Variants in GEMIN2 observed in about 807,000 individuals in gnomAD.
GEMIN2 encodes the protein gem-associated protein 2.
GEMIN2 carries 37 observed loss-of-function variants against 45.8 expected under a neutral mutation model. The ratio of observed to expected loss-of-function variants is 0.81; its 90% CI spans 0.62 to 1.06. The LOEUF (loss-of-function observed/expected upper bound fraction) is 1.06, where lower values mean the gene tolerates loss of function less well. Among genes scored for constraint, GEMIN2 ranks in the 50% least tolerant of loss-of-function variants. The pLI, the probability that GEMIN2 is intolerant of heterozygous loss-of-function variation, is 0.00. For missense variants in GEMIN2, 335 were observed against 321.8 expected (o/e 1.04, Z -0.31); for synonymous variants, 101 against 111.5 (o/e 0.91, Z 0.60).
chr14:39,136,517 G>T lies in GEMIN2; in HGVS notation c.*38G>T, dbSNP rs778874791. 1 of 1,549,820 alleles carries T rather than the reference G, an allele frequency of 6.5e-7. No individual in the cohort carries two copies. Among genetic ancestry groups the T allele is most frequent in the Non-Finnish European group, 8.9e-7 (1 of 1,124,356 alleles). On this transcript the variant is annotated 3_prime_UTR_variant, in exon 10 of 10. Transcript: ENST00000308317. ...CTCAGGGATAGAAGATATTTCTCATGAAGGCAGCCTAACTCTGAGGAAAAC... is the reference window on the plus strand; with the variant it reads ...CTCAGGGATAGAAGATATTTCTCATTAAGGCAGCCTAACTCTGAGGAAAAC...
chr14:39,128,226 A>G (rs576928182), intron 6 of GEMIN2, 54 bp from the exon 7 acceptor site: 1 of 960,474 alleles, frequency 1.0e-6, no homozygotes, highest in South Asian at 1.4e-5. Flanking sequence ...CTCATGTTGA[A>G]TTCATGTTTT....
intron 7 of GEMIN2, 27 bp downstream of exon 7, chr14:39,128,375 A>G: frequency 7.7e-7 from 1 of 1,294,458 alleles, no homozygotes; most frequent in Admixed American, 1.8e-5. Flanking sequence ...TTCTTTTCAT[A>G]ATGTAGGCAA....
chr14:39,124,777 A>C lies in GEMIN2; in HGVS notation c.487-215A>C, dbSNP rs374093959. Among the ~76,000 whole-genome samples the C allele has an allele frequency of 3.5e-4, 54 of 152,294 alleles. No homozygotes were observed. In the South Asian group the frequency reaches 0.011, roughly 32 times the overall value. On this transcript the variant is annotated intron_variant, in intron 5 of 9. Transcript: ENST00000308317. Reference sequence around the variant, plus strand: ...GACAGAGTGAGACCCCATCTAAAAAAAAAATTACATATTCAAAATTTAAGG... The same window carrying C: ...GACAGAGTGAGACCCCATCTAAAAACAAAATTACATATTCAAAATTTAAGG...
intron 2 of GEMIN2, among the ~76,000 whole-genome samples, chr14:39,115,864 G>T (rs911318147): frequency 1.3e-5 from 2 of 151,982 alleles, no homozygotes; most frequent in African/African-American, 4.8e-5. Context: ...ATTCAACAGA[G>T]GGTAAGACAA....
intron 2 of GEMIN2, among the ~76,000 whole-genome samples, chr14:39,116,772 A>C (rs35035794): frequency 0.2 from 30,140 of 151,458 alleles, 3,794 homozygotes; most frequent in Middle Eastern, 0.36. Context: ...ATTGATTGAG[A>C]CAGGGTCTCG....
chr14:39,136,684 T>G lies in GEMIN2; in HGVS notation c.*205T>G. ...TATCAATGGAAAATCCCACTCAGTTTTTGATGAACAGTTTGAACAGTTTTC... is the reference window on the plus strand; with the variant it reads ...TATCAATGGAAAATCCCACTCAGTTGTTGATGAACAGTTTGAACAGTTTTC... On this transcript the variant is annotated 3_prime_UTR_variant, in exon 10 of 10. Coordinates refer to ENST00000308317, the MANE Select transcript of GEMIN2 (RefSeq NM_003616.3). The G allele has an allele frequency of 2.0e-6, 1 of 492,032 alleles. No homozygotes were observed. Among genetic ancestry groups the G allele is most frequent in the South Asian group, 3.5e-5 (1 of 28,866 alleles). The allele number at this position is 492,032 out of a possible 1,614,324, so 30.5% of individuals were successfully genotyped here. A position where few individuals can be genotyped will look rare whatever the true frequency, so the allele number is the denominator to read the frequency against.
At chr14:39,128,034 C>T (rs1165728677) in intron 6 of GEMIN2, among the ~76,000 whole-genome samples, 2 of 143,078 alleles carry the variant, frequency 1.4e-5, no homozygotes, top group Non-Finnish European at 3.0e-5. Context: ...CACCAGTGCG[C>T]TCCAGCCTGG....
chr14:39,136,352 C>A, intron 9 of GEMIN2, 88 bp from the exon 10 acceptor site: 2 of 725,360 alleles, frequency 2.8e-6, no homozygotes, highest in South Asian at 3.1e-5. Context: ...TATTGATGGA[C>A]GTTTGGGTTG....
Position 39,125,002 on chromosome 14 carries a change from C to A in GEMIN2, c.497C>A (p.Pro166His). The change falls in exon 6 of 10, where the codon CCT (proline) becomes CAT (histidine). Residue 166 changes from proline to histidine, a missense_variant. Transcript: ENST00000308317. ...PGIDYVQIGF[P>H]PLLSIVSRMN... ...CATTTTTTCTTTCAGATTGGTTTTC[C>A]TCCCTTGCTTAGTATTGTTAGCAGA... 1.4e-6 allele frequency: 2 copies of A among 1,474,338 alleles called. No homozygotes were observed. The highest frequency in any genetic ancestry group is 1.9e-6 in the Non-Finnish European group (2 of 1,056,186). 91.3% of individuals were successfully genotyped at this position (1,474,338 alleles called of 1,614,324 possible).
In GEMIN2 at chr14:39,133,665, G is replaced by C. The variant is rs1439916379; in HGVS notation, c.716G>C (p.Ser239Thr). The C allele has an allele frequency of 1.4e-6, 2 of 1,461,612 alleles. No individual in the cohort carries two copies. The highest frequency in any genetic ancestry group is 2.9e-5 in the African/African-American group (2 of 69,250). 90.5% of individuals were successfully genotyped at this position (1,461,612 alleles called of 1,614,324 possible). The change falls in exon 9 of 10, where the codon AGC becomes ACC. Residue 239 changes from serine to threonine, a missense_variant. Coordinates refer to ENST00000308317, the MANE Select transcript of GEMIN2 (RefSeq NM_003616.3). ...TTTTTCTTTTTTTTTTTTTAGGATA[G>C]CAAAGATGATGAGAGGGTTCCTGCT... ...RCSEVRLLVDSKDDERVPALN... is the reference protein window; with the variant it reads ...RCSEVRLLVDTKDDERVPALN...
chr14:39,135,605 A>G (rs1467632993), intron 9 of GEMIN2, among the ~76,000 whole-genome samples: 3 of 148,538 alleles, frequency 2.0e-5, no homozygotes, highest in South Asian at 2.1e-4. Flanking sequence ...AAGAAAAAAG[A>G]AAAAAAAAAG....
intron 7 of GEMIN2, among the ~76,000 whole-genome samples, chr14:39,129,170 T>C (rs1235244361): frequency 6.6e-6 from 1 of 152,230 alleles, no homozygotes; most frequent in African/African-American, 2.4e-5. Context: ...TTTACCATTA[T>C]GTTACAGTTG....
In GEMIN2 at chr14:39,132,006, C is replaced by A; in HGVS notation, c.649C>A (p.Pro217Thr). ...GGCTTGTCTTGAAAAGCCTTTGTTA[C>A]CTGAGGCTCATTCACTGATTCGGCA... is the stretch of plus-strand genomic sequence containing the variant. Reference protein sequence around the residue: ...LLACLEKPLLPEAHSLIRQLA... With the variant: ...LLACLEKPLLTEAHSLIRQLA... The change falls in exon 8 of 10, where the codon CCT becomes ACT. Residue 217 changes from proline (P) to threonine (T), a missense_variant. Physicochemically the swap from Pro to Thr is conservative, Grantham distance 38. Transcript: ENST00000308317. The A allele has an allele frequency of 6.2e-7, 1 of 1,606,664 alleles. No homozygotes were observed. The highest frequency in any genetic ancestry group is 8.5e-7 in the Non-Finnish European group (1 of 1,173,558).
Position 39,136,416 on chromosome 14 carries a change from A to C in GEMIN2, c.771-24A>C, listed in dbSNP as rs759581171. 4.3e-5 allele frequency: 54 copies of C among 1,242,266 alleles called. No homozygotes were observed. The East Asian group carries it at 5.8e-4, about 13-fold the overall frequency. 77.0% of individuals were successfully genotyped at this position (1,242,266 alleles called of 1,614,324 possible). A position where few individuals can be genotyped will look rare whatever the true frequency, so the allele number is the denominator to read the frequency against. ...GCTACAGTTAATATCTTTATACATA[A>C]ATTTTTTGTTTTTTTTTTACTAGGT... On this transcript the variant is annotated intron_variant, in intron 9 of 9. Transcript: ENST00000308317.
chr14:39,124,368 T>C (rs2052613850), intron 5 of GEMIN2, among the ~76,000 whole-genome samples: 2 of 152,212 alleles, frequency 1.3e-5, no homozygotes, highest in Non-Finnish European at 2.9e-5. Flanking sequence ...CTTATCAATG[T>C]TACAGTTTTA....
chr14:39,115,053 T>C (rs2052484090), intron 2 of GEMIN2, 140 bp downstream of exon 2: 2 of 619,472 alleles, frequency 3.2e-6, no homozygotes, highest in Non-Finnish European at 5.8e-6. Context: ...CTTGTACTTT[T>C]TCCTTCAGAA....
chr14:39,130,155 A>G (rs2052698402), intron 7 of GEMIN2, among the ~76,000 whole-genome samples: 1 of 151,896 alleles, frequency 6.6e-6, no homozygotes, highest in South Asian at 2.1e-4. Context: ...ATCCCTTAAA[A>G]TTTGAGTCAA....
At chr14:39,131,003 A>G (rs947516041) in intron 7 of GEMIN2, among the ~76,000 whole-genome samples, 2 of 152,126 alleles carry the variant, frequency 1.3e-5, no homozygotes, top group African/African-American at 4.8e-5. Context: ...ATTGTATTGA[A>G]AAAAGGTTGT....
intron 2 of GEMIN2, among the ~76,000 whole-genome samples, chr14:39,115,131 TCTTA>T (rs1449115444): frequency 2.6e-5 from 4 of 152,244 alleles, no homozygotes; most frequent in African/African-American, 9.6e-5. Flanking sequence ...GTGTTGCCCA[TCTTA>T]CTTCAGGACA....
Sources: allele counts gnomAD v4.1 joint callset (sites outside exome capture counted in the v4.1 genomes callset), GRCh38; gene constraint gnomAD v4.1.1; transcripts MANE v1.5; gene names NCBI Gene and HGNC (gene_info 2026-07-23, HGNC 2026-07-21).